RGCC: variants seen among roughly 807,000 people sequenced by gnomAD.
The protein encoded by RGCC is regulator of cell cycle RGCC.
A neutral mutation model predicts 15.4 loss-of-function variants in RGCC; 15 were observed. The observed-to-expected ratio is 0.97, with a 90% CI of 0.65 to 1.50. The LOEUF is 1.50. RGCC is among the 40% of genes most tolerant of loss of function. RGCC has a pLI of 0.00. For missense variants in RGCC, 176 were observed against 189.7 expected (o/e 0.93, Z 0.42); for synonymous variants, 81 against 78.0 (o/e 1.04, Z -0.20).
At chr13:41,468,869 A>G in intron 4 of RGCC, 31 bp downstream of exon 4, 1 of 1,473,568 alleles carries the variant, frequency 6.8e-7, no homozygotes, top group South Asian at 1.2e-5. Flanking sequence ...AAAAACAAAA[A>G]AACAAAAAAC....
chr13:41,464,708 G>A (rs951091245), intron 2 of RGCC, among the ~76,000 whole-genome samples: 1 of 152,196 alleles, frequency 6.6e-6, no homozygotes, highest in Non-Finnish European at 1.5e-5. Context: ...AGCCCTCGGA[G>A]GACCAGCACT....
intron 2 of RGCC, among the ~76,000 whole-genome samples, chr13:41,466,597 C>T (rs2043850582): frequency 1.3e-5 from 2 of 152,172 alleles, no homozygotes; most frequent in Non-Finnish European, 2.9e-5. Flanking sequence ...CCATGTTGGC[C>T]AGGCTGGTCT....
At chr13:41,466,763 G>A (rs2043851352) in intron 2 of RGCC, 60 bp from the exon 3 acceptor site, 27 of 1,154,464 alleles carry the variant, frequency 2.3e-5, no homozygotes, top group Non-Finnish European at 3.1e-5. Context: ...AGACTATAAA[G>A]TGCTAAGTCT....
At chr13:41,467,518 C>G (rs979053188) in intron 3 of RGCC, among the ~76,000 whole-genome samples, 2 of 152,204 alleles carry the variant, frequency 1.3e-5, no homozygotes, top group African/African-American at 4.8e-5. Context: ...ATGTCTCCAG[C>G]TAGAGAGTTG....
At chr13:41,468,885 G>A in intron 4 of RGCC, 47 bp downstream of exon 4, 1 of 1,331,942 alleles carries the variant, frequency 7.5e-7, no homozygotes, top group South Asian at 1.2e-5. Flanking sequence ...AAAACTAACA[G>A]ACACTTCTGA....
At chr13:41,461,874 A>G (rs534580149) in intron 2 of RGCC, among the ~76,000 whole-genome samples, 5 of 152,248 alleles carry the variant, frequency 3.3e-5, no homozygotes, top group Non-Finnish European at 7.3e-5. Flanking sequence ...AATAAGGCCA[A>G]TGAGGAGCCT....
intron 4 of RGCC, 34 bp downstream of exon 4, chr13:41,468,872 C>T (rs1566339400): frequency 1.4e-6 from 2 of 1,456,342 alleles, no homozygotes; most frequent in Non-Finnish European, 1.9e-6. Context: ...AACAAAAAAA[C>T]AAAAAACTAA....
Position 41,466,911 on chromosome 13 carries a change from C to T in RGCC, c.324C>T (p.Ala108=). The T allele has an allele frequency of 6.2e-7, 1 of 1,612,928 alleles. No homozygotes were observed. ...ACTCTACCCCAGCTCTTCTCTCTGC[C>T]ACTGTCACTCCTCAGAAAGGTAAGG... The part of the protein sequence containing the change: ...PTDSTPALLS[A]TVTPQKAKLG... The change falls in exon 3 of 5, where the codon GCC becomes GCT. Residue 108 remains alanine (A), a synonymous_variant. Transcript: ENST00000379359.
intron 2 of RGCC, among the ~76,000 whole-genome samples, chr13:41,466,176 TTCTC>T (rs953658289): frequency 8.3e-5 from 9 of 108,274 alleles, no homozygotes; most frequent in South Asian, 9.6e-4. Context: ...CTCACACACT[TTCTC>T]ACACACACAC....
chr13:41,461,684 T>C (rs971766619), intron 2 of RGCC, among the ~76,000 whole-genome samples: 3 of 152,190 alleles, frequency 2.0e-5, no homozygotes, highest in Non-Finnish European at 4.4e-5. Flanking sequence ...ATTTAGGAAA[T>C]GAGGAACTGG....
At position 41,470,729 on chromosome 13, in the gene RGCC, T is replaced by TAGCA. The variant is rs2043871949; in HGVS notation, c.*244_*245insAGCA. 1.7e-5 allele frequency: 7 copies of TAGCA among 423,866 alleles called. No individual in the cohort carries two copies. The Admixed American group carries it at 1.7e-4, about 10-fold the overall frequency. 26.3% of individuals were successfully genotyped at this position (423,866 alleles called of 1,614,324 possible). Reference sequence around the variant, plus strand: ...TTAGAACAGACGATCCATGCTAATATTGTATTTTCTCTTAAAACATAGCTT... The same window carrying TAGCA: ...TTAGAACAGACGATCCATGCTAATATAGCATGTATTTTCTCTTAAAACATAGCTT... On this transcript the variant is annotated 3_prime_UTR_variant, in exon 5 of 5. Coordinates refer to ENST00000379359, the MANE Select transcript of RGCC (RefSeq NM_014059.3).
Position 41,470,520 on chromosome 13 carries a change from G to A in RGCC, c.*35G>A, listed in dbSNP as rs577115992. On this transcript the variant is annotated 3_prime_UTR_variant, in exon 5 of 5. Coordinates refer to ENST00000379359, the MANE Select transcript of RGCC (RefSeq NM_014059.3). ...TTCTGGGTCCTTTCATCATAAGGGA[G>A]AAGCTTCAGAAAGTTCCGAGGACCT... 7.3e-5 allele frequency: 117 copies of A among 1,610,282 alleles called. 2 individuals carry two copies. The South Asian group carries it at 1.3e-3, about 17-fold the overall frequency.
At chr13:41,465,467 T>C (rs2139576517) in intron 2 of RGCC, among the ~76,000 whole-genome samples, 1 of 152,302 alleles carries the variant, frequency 6.6e-6, no homozygotes, top group African/African-American at 2.4e-5. Context: ...ACTTAGAGAA[T>C]CTCAGAACTT....
At chr13:41,461,181 A>G (rs185180815) in intron 2 of RGCC, among the ~76,000 whole-genome samples, 43 of 152,320 alleles carry the variant, frequency 2.8e-4, no homozygotes, top group African/African-American at 1.0e-3. Context: ...GGGGGTGTGG[A>G]GTTCAAATGT....
chr13:41,463,469 CTGTGTGTGTGTGTG>C (rs67077388), intron 2 of RGCC, among the ~76,000 whole-genome samples: 19,729 of 120,606 alleles, frequency 0.16, 1,839 homozygotes, highest in African/African-American at 0.24. Flanking sequence ...TAATGTGTAT[CTGTGTGTGTGTGTG>C]TGTGTGTGTG....
At chr13:41,459,623 G>GT (rs1351254225) in intron 2 of RGCC, among the ~76,000 whole-genome samples, 1 of 152,256 alleles carries the variant, frequency 6.6e-6, no homozygotes, top group Admixed American at 6.5e-5. Context: ...CTGCCAAAGA[G>GT]TTAGACCAAG....
chr13:41,466,961 TG>T, intron 3 of RGCC, 31 bp downstream of exon 3: 1 of 1,435,388 alleles, frequency 7.0e-7, no homozygotes, highest in East Asian at 2.3e-5. Flanking sequence ...TTGAGTTTTT[TG>T]CTTTTTTATT....
chr13:41,457,688 G>T lies in RGCC; in HGVS notation c.-20G>T, dbSNP rs770509925. On this transcript the variant is annotated 5_prime_UTR_variant, in exon 1 of 5. Transcript: ENST00000379359. This position sits in a 1 kb window ranked among gnomAD's most constrained non-coding sequence, Gnocchi z 4.9. Reference sequence around the variant, plus strand: ...CGCAGGACCCAAGGCCACGCGCGCCGGGCCCAGCTGAGCCGCCTCATGAAG... The same window carrying T: ...CGCAGGACCCAAGGCCACGCGCGCCTGGCCCAGCTGAGCCGCCTCATGAAG... 8 of 1,491,026 alleles carry T rather than the reference G, an allele frequency of 5.4e-6. No homozygotes were observed. Among genetic ancestry groups the T allele is most frequent in the African/African-American group, 1.5e-5 (1 of 67,998 alleles). 92.4% of individuals were successfully genotyped at this position (1,491,026 alleles called of 1,614,324 possible). A position where few individuals can be genotyped will look rare whatever the true frequency, so the allele number is the denominator to read the frequency against.
At position 41,470,869 on chromosome 13, in the gene RGCC, GAA is replaced by G. The variant is rs1186344366; in HGVS notation, c.*385_*386del. ...TTTGTATACAAATAAAATTTGAACT[GAA>G]GTCTGCTTCCTTTTCTTTTTCTTTA... On this transcript the variant is annotated 3_prime_UTR_variant, in exon 5 of 5. Coordinates refer to ENST00000379359, the MANE Select transcript of RGCC (RefSeq NM_014059.3). 1.2e-5 allele frequency: 2 copies of G among 167,636 alleles called. No homozygotes were observed. Among genetic ancestry groups the G allele is most frequent in the African/African-American group, 4.8e-5 (2 of 41,966 alleles). The allele number at this position is 167,636 out of a possible 1,614,324, so 10.4% of individuals were successfully genotyped here.
Sources: gnomAD v4.1 joint callset for allele counts (sites outside exome capture counted in the v4.1 genomes callset) on GRCh38, gnomAD v4.1.1 for gene constraint, Gnocchi (gnomAD v3.1) non-coding constraint, MANE v1.5 for transcripts, NCBI Gene and HGNC (gene_info 2026-07-23, HGNC 2026-07-21) for gene names.